COL21A1: variants seen among roughly 807,000 people sequenced by gnomAD.
The protein encoded by COL21A1 is collagen alpha-1(XXI) chain.
Under a neutral mutation model 137.9 loss-of-function variants are expected in COL21A1, and 149 were observed. That is an observed-to-expected ratio of 1.08 (90% confidence interval 0.95 to 1.24). COL21A1 has a LOEUF of 1.24. Among genes scored for constraint, COL21A1 ranks in the 50% most tolerant of loss-of-function variants. COL21A1 has a pLI of 0.00. For synonymous variants in COL21A1, 456 were observed against 391.5 expected (o/e 1.16, Z -1.95); for missense variants, 1,167 against 1,158.4 (o/e 1.01, Z -0.11).
In COL21A1 at chr6:56,208,461, C is replaced by T. The variant is rs141728587; in HGVS notation, c.-38-25805G>A. The stretch of plus-strand genomic sequence containing the variant: ...GAGAATAAAATACCTATGAATACAA[C>T]TTACAAGGGATGTGAAGGATTCTTC... On this transcript the variant is annotated intron_variant, in intron 1 of 29. Transcript: ENST00000244728. Among the ~76,000 whole-genome samples, 284 of 152,272 alleles carry T rather than the reference C, an allele frequency of 1.9e-3. 2 individuals carry two copies. The highest frequency in any genetic ancestry group is 6.4e-3 in the African/African-American group (264 of 41,534).
chr6:56,364,930 C>T (rs574119728), intron 1 of COL21A1, among the ~76,000 whole-genome samples: 3 of 152,180 alleles, frequency 2.0e-5, no homozygotes, highest in African/African-American at 4.8e-5. Context: ...TTCTGAGTCA[C>T]TGGTGAGTTG....
chr6:56,235,623 A>T (rs780547328), intron 1 of COL21A1, among the ~76,000 whole-genome samples: 1 of 151,972 alleles, frequency 6.6e-6, no homozygotes, highest in Non-Finnish European at 1.5e-5. Context: ...ATATAAGACT[A>T]TTTAAATGGC....
rs373148762 is a variant in COL21A1 at position 56,326,010 on chromosome 6, T to TA, written c.-39+67960_-39+67961insT. On this transcript the variant is annotated intron_variant, in intron 1 of 28. Transcript: ENST00000370819. ...TATATGTATATACATACATATATTA[T>TA]GTATATGTATATACATAATATATTA... is the stretch of plus-strand genomic sequence containing the variant. Among the ~76,000 whole-genome samples, 6 of 3,028 alleles carry TA rather than the reference T, an allele frequency of 2.0e-3. 2 individuals are homozygous for TA. Among genetic ancestry groups the TA allele is most frequent in the East Asian group, 8.9e-3 (2 of 224 alleles). 2.0% of individuals were successfully genotyped at this position (3,028 alleles called of 152,430 possible).
At chr6:56,299,193 A>T (rs988859672) in intron 1 of COL21A1, among the ~76,000 whole-genome samples, 1 of 152,128 alleles carries the variant, frequency 6.6e-6, no homozygotes, top group African/African-American at 2.4e-5. Context: ...ATCACTTCAT[A>T]TATTCTATCC....
At chr6:56,117,978 A>C (rs992733073) in intron 16 of COL21A1, among the ~76,000 whole-genome samples, 11 of 152,112 alleles carry the variant, frequency 7.2e-5, no homozygotes, top group African/African-American at 2.6e-4. Context: ...TACATCAAAA[A>C]AGAGAAAAAA....
Position 56,141,985 on chromosome 6 carries a change from T to C in COL21A1, c.1435-2A>G. On this transcript the variant is annotated splice_acceptor_variant, in intron 10 of 29. Transcript: ENST00000244728. LOFTEE classifies it high-confidence loss of function. The stretch of plus-strand genomic sequence containing the variant: ...TGTCCCTGCAATTCCCTGATATCCC[T>C]AAAGAAAAATTTAAAAAGAAAAAAA... 3 of 1,514,938 alleles carry C rather than the reference T, an allele frequency of 2.0e-6. No homozygotes were observed. The highest frequency in any genetic ancestry group is 2.7e-6 in the Non-Finnish European group (3 of 1,125,934). 93.8% of individuals were successfully genotyped at this position (1,514,938 alleles called of 1,614,324 possible).
Position 56,141,966 on chromosome 6 carries a change from T to C in COL21A1, c.1452A>G (p.Ala484=). Residue 484 remains alanine (A), a synonymous_variant, in exon 11 of 30, where the codon GCA becomes GCG. Coordinates refer to ENST00000244728, the MANE Select transcript of COL21A1 (RefSeq NM_030820.4). The part of the protein sequence containing the change: ...QDGKPGYQGI[A]GTPGVPGSPG... ...GAGATCCTGGAACACCTGGTGTCCC[T>C]GCAATTCCCTGATATCCCTAAAGAA... 2.6e-6 allele frequency: 4 copies of C among 1,535,960 alleles called. No homozygotes were observed. The highest frequency in any genetic ancestry group is 2.6e-6 in the Non-Finnish European group (3 of 1,136,488).
At chr6:56,358,219 AC>A (rs1211525633) in intron 1 of COL21A1, among the ~76,000 whole-genome samples, 1 of 152,158 alleles carries the variant, frequency 6.6e-6, no homozygotes, top group African/African-American at 2.4e-5. Flanking sequence ...AGTGGCTCAC[AC>A]CTAGTCCATT....
At chr6:56,222,490 A>G (rs1780899215) in intron 1 of COL21A1, among the ~76,000 whole-genome samples, 1 of 152,150 alleles carries the variant, frequency 6.6e-6, no homozygotes, top group Admixed American at 6.6e-5. Flanking sequence ...ATAAGTCTTT[A>G]GTACATTTAA....
chr6:56,308,306 A>T (rs1764518779), intron 1 of COL21A1, among the ~76,000 whole-genome samples: 1 of 152,250 alleles, frequency 6.6e-6, no homozygotes, highest in Admixed American at 6.5e-5. Flanking sequence ...CCCATCAGAC[A>T]TTGAACACTA....
chr6:56,325,044 T>C (rs1764974075), intron 1 of COL21A1, among the ~76,000 whole-genome samples: 2 of 150,688 alleles, frequency 1.3e-5, no homozygotes, highest in African/African-American at 2.4e-5. Flanking sequence ...TTTTGCGCTA[T>C]CCTGTTTCTC....
chr6:56,137,197 G>A (rs1182463004), intron 12 of COL21A1, among the ~76,000 whole-genome samples: 2 of 152,082 alleles, frequency 1.3e-5, no homozygotes, highest in East Asian at 3.9e-4. Context: ...TCTAAAATGA[G>A]CACAGTATGA....
Position 56,362,379 on chromosome 6 carries a change from T to A in COL21A1, c.-39+31592A>T, listed in dbSNP as rs1180295509. 4.6e-5 allele frequency among the ~76,000 whole-genome samples: 7 copies of A among 152,212 alleles called. No homozygotes were observed. The East Asian group carries it at 1.2e-3, about 25-fold the overall frequency. ...TCTACAATAAGTATGTATTATTTTT[T>A]AATTTTAAATAAAATAAGTAATTTT... On this transcript the variant is annotated intron_variant, in intron 1 of 28. Coordinates refer to the COL21A1 transcript ENST00000370819.
At position 56,179,566 on chromosome 6, in the gene COL21A1, T is replaced by A. The variant is rs1370616641; in HGVS notation, c.640+12A>T. The A allele has an allele frequency of 1.3e-6, 2 of 1,592,942 alleles. No individual in the cohort carries two copies. Among genetic ancestry groups the A allele is most frequent in the Admixed American group, 3.5e-5 (2 of 57,390 alleles). On this transcript the variant is annotated intron_variant, in intron 3 of 29. Transcript: ENST00000244728. Reference sequence around the variant, plus strand: ...TTGCTTCCAAATTATATTAAGGCATTTTAAGGCTTACCTTCACAAAGTTTC... The same window carrying A: ...TTGCTTCCAAATTATATTAAGGCATATTAAGGCTTACCTTCACAAAGTTTC...
At chr6:56,246,338 C>T (rs373615302) in intron 1 of COL21A1, among the ~76,000 whole-genome samples, 1 of 152,142 alleles carries the variant, frequency 6.6e-6, no homozygotes, top group Non-Finnish European at 1.5e-5. Flanking sequence ...TCTTCCTTGG[C>T]TTCATTTCAA....
intron 10 of COL21A1, among the ~76,000 whole-genome samples, chr6:56,156,337 T>C (rs9296830): frequency 0.66 from 100,541 of 152,122 alleles, 33,763 homozygotes; most frequent in East Asian, 0.86. Context: ...TCTTCCTGAC[T>C]GTGGATCCCT....
chr6:56,179,601 A>G lies in COL21A1; in HGVS notation c.617T>C (p.Val206Ala). The change falls in exon 3 of 30, where the codon GTG becomes GCG. Residue 206 changes from valine to alanine, a missense_variant. Transcript: ENST00000244728. ...DYIAISKIRE[V>A]MKQKLCEESV... ...ACCTTCACAAAGTTTCTGCTTCATC[A>G]CTTCCCTTATTTTGGATATTGCAAT... 2 of 1,610,260 alleles carry G rather than the reference A, an allele frequency of 1.2e-6. No individual in the cohort carries two copies. Among genetic ancestry groups the G allele is most frequent in the Non-Finnish European group, 1.7e-6 (2 of 1,177,098 alleles).
At chr6:56,299,330 T>A (rs1207750537) in intron 1 of COL21A1, among the ~76,000 whole-genome samples, 1 of 152,154 alleles carries the variant, frequency 6.6e-6, no homozygotes, top group African/African-American at 2.4e-5. Context: ...TTTGAAAAAT[T>A]GATTTTACTT....
At chr6:56,063,540 A>C (rs1765988636) in intron 24 of COL21A1, among the ~76,000 whole-genome samples, 1 of 152,134 alleles carries the variant, frequency 6.6e-6, no homozygotes, top group South Asian at 2.1e-4. Context: ...TTTATTGAAC[A>C]TAATTGTACT....
Sources: allele counts gnomAD v4.1 joint callset (sites outside exome capture counted in the v4.1 genomes callset), GRCh38; gene constraint gnomAD v4.1.1; transcripts MANE v1.5; gene names NCBI Gene and HGNC (gene_info 2026-07-23, HGNC 2026-07-21).